Variants in THSD7B observed in about 807,000 individuals in gnomAD.
THSD7B encodes the protein thrombospondin type 1 domain containing 7B, also known as thrombospondin type-1 domain-containing protein 7B.
Under a neutral mutation model 213.6 loss-of-function variants are expected in THSD7B, and 138 were observed. The observed-to-expected ratio is 0.65, with a 90% CI of 0.56 to 0.74. The LOEUF is 0.74. Among genes scored for constraint, THSD7B ranks in the 30% least tolerant of loss-of-function variants. The pLI, the probability that THSD7B is intolerant of heterozygous loss-of-function variation, is 0.00. For synonymous variants in THSD7B, 742 were observed against 687.0 expected, an observed-to-expected ratio of 1.08 and a Z score of -1.25; for missense variants, 1,931 against 1,991.5, an observed-to-expected ratio of 0.97 and a Z score of 0.58.
Position 136,794,100 on chromosome 2 carries a change from GT to G in THSD7B, c.-36+28423del, listed in dbSNP as rs140567333. Reference sequence around the variant, plus strand: ...CATTAATTCCTGATATGTGTGCTTTGTTTTTTTTTTCTTGTTCAGCTTTGCT... The same window carrying G: ...CATTAATTCCTGATATGTGTGCTTTGTTTTTTTTTCTTGTTCAGCTTTGCT... On this transcript the variant is annotated intron_variant, in intron 1 of 27. Transcript: ENST00000409968. Among the ~76,000 whole-genome samples, 1,299 of 143,584 alleles carry G rather than the reference GT, an allele frequency of 9.0e-3. 19 individuals are homozygous for G. Among genetic ancestry groups the G allele is most frequent in the African/African-American group, 0.029 (1,157 of 39,724 alleles). 94.2% of individuals were successfully genotyped at this position (143,584 alleles called of 152,430 possible).
intron 2 of THSD7B, among the ~76,000 whole-genome samples, chr2:136,934,744 T>G (rs1684692963): frequency 6.6e-6 from 1 of 152,160 alleles, no homozygotes; most frequent in Non-Finnish European, 1.5e-5. Flanking sequence ...AAAGTAAGTG[T>G]AGTGGAGCAA....
At chr2:136,838,225 A>T (rs1682872257) in intron 1 of THSD7B, among the ~76,000 whole-genome samples, 1 of 152,114 alleles carries the variant, frequency 6.6e-6, no homozygotes, top group Admixed American at 6.5e-5. Flanking sequence ...TCTGGATGTG[A>T]TCCCTGCTTT....
At chr2:136,898,809 A>T (rs963838057) in intron 2 of THSD7B, among the ~76,000 whole-genome samples, 1 of 151,650 alleles carries the variant, frequency 6.6e-6, no homozygotes, top group African/African-American at 2.4e-5. Context: ...TGCCCAGCTA[A>T]GTTTTGTAGT....
intron 15 of THSD7B, among the ~76,000 whole-genome samples, chr2:137,538,182 G>A (rs1265106535): frequency 6.6e-6 from 1 of 151,610 alleles, no homozygotes; most frequent in Non-Finnish European, 1.5e-5. Flanking sequence ...TTAAGCCCTT[G>A]ATCTTAGGAA....
At chr2:137,437,689 A>G (rs780392399) in intron 14 of THSD7B, among the ~76,000 whole-genome samples, 109 of 152,252 alleles carry the variant, frequency 7.2e-4, no homozygotes, top group Middle Eastern at 3.4e-3. Flanking sequence ...GTGGGATGAT[A>G]AAGATTTCAA....
At position 136,998,171 on chromosome 2, in the gene THSD7B, C is replaced by T. The variant is rs552360038; in HGVS notation, c.140-58249C>T. Among the ~76,000 whole-genome samples the T allele has an allele frequency of 2.0e-4, 29 of 142,320 alleles. No homozygotes were observed. In the East Asian group the frequency reaches 6.1e-3, roughly 30 times the overall value. 93.4% of individuals were successfully genotyped at this position (142,320 alleles called of 152,430 possible). ...AGGATGCCATTCTGGGGAGAGGAAG[C>T]ATTAGGAACCTTGAAAGCCTATAAT... On this transcript the variant is annotated intron_variant, in intron 2 of 27. Transcript: ENST00000409968.
At chr2:137,073,496 C>T (rs1317132906) in intron 3 of THSD7B, among the ~76,000 whole-genome samples, 5 of 152,308 alleles carry the variant, frequency 3.3e-5, no homozygotes, top group Middle Eastern at 3.4e-3. Flanking sequence ...CTTAGTCTTG[C>T]TAGCGGTCTA....
At chr2:136,963,962 A>G (rs7572561) in intron 2 of THSD7B, among the ~76,000 whole-genome samples, 59,288 of 151,512 alleles carry the variant, frequency 0.39, 13,095 homozygotes, top group East Asian at 0.66. Context: ...TCATAGGTAG[A>G]AAATATTGCT....
chr2:137,358,989 C>T (rs1685196268), intron 12 of THSD7B, among the ~76,000 whole-genome samples: 1 of 152,184 alleles, frequency 6.6e-6, no homozygotes, highest in South Asian at 2.1e-4. Flanking sequence ...ATCAAAAACA[C>T]ATATTCCTCA....
intron 1 of THSD7B, among the ~76,000 whole-genome samples, chr2:136,816,433 G>C (rs1682475287): frequency 6.6e-6 from 1 of 152,086 alleles, no homozygotes; most frequent in Non-Finnish European, 1.5e-5. Flanking sequence ...CTATTTTAAG[G>C]CTTTTTTATA....
chr2:136,925,164 A>G (rs1025313682), intron 2 of THSD7B, among the ~76,000 whole-genome samples: 6 of 152,126 alleles, frequency 3.9e-5, no homozygotes, highest in Admixed American at 3.9e-4. Flanking sequence ...CATGTCTTCT[A>G]TTCATTTTTC....
chr2:137,213,130 A>C (rs942384348), intron 7 of THSD7B, among the ~76,000 whole-genome samples: 1 of 151,538 alleles, frequency 6.6e-6, no homozygotes, highest in Admixed American at 6.6e-5. Flanking sequence ...GAAATACACT[A>C]AAGAATATTA....
intron 15 of THSD7B, among the ~76,000 whole-genome samples, chr2:137,504,058 A>T (rs1233337816): frequency 2.6e-5 from 4 of 151,726 alleles, no homozygotes; most frequent in Non-Finnish European, 2.9e-5. Context: ...AAGAAAGAGA[A>T]AAAGGAAAAG....
chr2:137,662,934 G>A lies in THSD7B; in HGVS notation c.4459-449G>A, dbSNP rs574298286. Among the ~76,000 whole-genome samples, 20 of 152,046 alleles carry A rather than the reference G, an allele frequency of 1.3e-4. No homozygotes were observed. The South Asian group carries it at 3.5e-3, about 27-fold the overall frequency. On this transcript the variant is annotated intron_variant, in intron 25 of 27. Transcript: ENST00000409968. ...GACAAAATTAGCCAGGTGTGATGGC[G>A]GGTGCCTATAATCCCAGCTACTCGG...
intron 17 of THSD7B, among the ~76,000 whole-genome samples, chr2:137,614,039 G>A (rs984850181): frequency 5.3e-5 from 8 of 152,044 alleles, no homozygotes; most frequent in Non-Finnish European, 1.2e-4. Context: ...GCTGAATCAC[G>A]TTCATGGATT....
intron 10 of THSD7B, among the ~76,000 whole-genome samples, chr2:137,271,202 CACT>C (rs921814216): frequency 2.0e-5 from 3 of 151,282 alleles, no homozygotes; most frequent in Admixed American, 6.6e-5. Flanking sequence ...TTATAACCCT[CACT>C]GCGCTCCTCC....
intron 15 of THSD7B, among the ~76,000 whole-genome samples, chr2:137,552,167 T>C (rs1680861834): frequency 6.6e-6 from 1 of 152,202 alleles, no homozygotes; most frequent in Non-Finnish European, 1.5e-5. Flanking sequence ...ATGCATCTCC[T>C]TACCCAAAGA....
intron 12 of THSD7B, among the ~76,000 whole-genome samples, chr2:137,351,337 T>C (rs549886170): frequency 6.6e-6 from 1 of 151,984 alleles, no homozygotes; most frequent in Non-Finnish European, 1.5e-5. Flanking sequence ...TATATTTTTG[T>C]CATCACCGAG....
intron 2 of THSD7B, among the ~76,000 whole-genome samples, chr2:136,945,289 G>T (rs1385371040): frequency 6.6e-6 from 1 of 152,108 alleles, no homozygotes; most frequent in Non-Finnish European, 1.5e-5. Context: ...GCTTGTGCAT[G>T]TGTCACTTGG....
Sources: allele counts gnomAD v4.1 joint callset (sites outside exome capture counted in the v4.1 genomes callset), GRCh38; gene constraint gnomAD v4.1.1; transcripts MANE v1.5; gene names NCBI Gene and HGNC (gene_info 2026-07-23, HGNC 2026-07-21).